LAMB1: variants seen among roughly 807,000 people sequenced by gnomAD.
The protein encoded by LAMB1 is laminin subunit beta-1.
Under a neutral mutation model 222.3 loss-of-function variants are expected in LAMB1, and 121 were observed. That is an observed-to-expected ratio of 0.54 (90% CI 0.47 to 0.63). LAMB1 has a LOEUF of 0.63. Among genes scored for constraint, LAMB1 ranks in the 30% least tolerant of loss-of-function variants. The pLI is 0.00. For synonymous variants in LAMB1, 794 were observed against 807.2 expected, an observed-to-expected ratio of 0.98 and a Z score of 0.28; for missense variants, 2,172 against 2,240.8, an observed-to-expected ratio of 0.97 and a Z score of 0.62.
intron 9 of LAMB1, among the ~76,000 whole-genome samples, chr7:107,976,812 CCT>C (rs1258229208): frequency 6.6e-6 from 1 of 152,022 alleles, no homozygotes; most frequent in African/African-American, 2.4e-5. Context: ...CATCTTCCTT[CCT>C]CTCTTTTCCT....
Position 107,978,157 on chromosome 7 carries a change from T to C in LAMB1, c.890A>G (p.His297Arg), listed in dbSNP as rs2033904923. 6.2e-7 allele frequency: 1 copy of C among 1,614,082 alleles called. No individual in the cohort carries two copies. Among genetic ancestry groups the C allele is most frequent in the South Asian group, 1.1e-5 (1 of 91,072 alleles). ...NEEVEGMVHG[H>R]CMCRHNTKGL... is the part of the protein sequence containing the mutation. ...CTTGGTGTTATGCCTGCACATGCAG[T>C]GTCCGTGAACCTTGAAAGTTATAAA... The change falls in exon 9 of 34, where the codon CAC becomes CGC. Residue 297 changes from histidine to arginine, a missense_variant. Physicochemically the swap from His to Arg is conservative, Grantham distance 29. Transcript: ENST00000222399.
chr7:107,984,747 A>C (rs2034041555), intron 7 of LAMB1, among the ~76,000 whole-genome samples: 1 of 152,180 alleles, frequency 6.6e-6, no homozygotes, highest in African/African-American at 2.4e-5. Context: ...ATAAACAACT[A>C]TTTTTTAGGA....
At chr7:107,959,617 T>G in intron 19 of LAMB1, 74 bp downstream of exon 19, 1 of 1,613,662 alleles carries the variant, frequency 6.2e-7, no homozygotes, top group Non-Finnish European at 8.5e-7. Context: ...GCATCGGCTC[T>G]GCAGCAATGG....
At chr7:107,954,072 T>C (rs1021412699) in intron 21 of LAMB1, among the ~76,000 whole-genome samples, 12 of 152,176 alleles carry the variant, frequency 7.9e-5, no homozygotes, top group Non-Finnish European at 1.5e-4. Flanking sequence ...CATGAGACTT[T>C]AGCTTCTGAG....
chr7:108,002,767 C>G (rs966344237), intron 2 of LAMB1, 82 bp downstream of exon 2: 41 of 1,588,228 alleles, frequency 2.6e-5, no homozygotes, highest in Non-Finnish European at 3.4e-5. Flanking sequence ...CAGGATCCCA[C>G]GAAGGTGAGC....
chr7:107,965,765 G>T (rs1445345680), intron 13 of LAMB1, among the ~76,000 whole-genome samples: 2 of 151,976 alleles, frequency 1.3e-5, no homozygotes. Context: ...CCTAAGGCAA[G>T]TTGCAACTCA....
Position 107,986,191 on chromosome 7 carries a change from G to C in LAMB1, c.596C>G (p.Pro199Arg). ...ICDSRYSDIE[P>R]STEGEVIFRA... The stretch of plus-strand genomic sequence containing the variant: ...CAAACAAACCTCTCCTTCAGTTGAG[G>C]GTTCAATGTCAGAATATCGAGAATC... Residue 199 changes from proline to arginine, a missense_variant, in exon 6 of 34, where the codon CCC becomes CGC. Physicochemically the swap from Pro to Arg is moderately radical, Grantham distance 103 (BLOSUM62 -2). Transcript: ENST00000222399. The C allele has an allele frequency of 1.9e-6, 3 of 1,613,972 alleles. No homozygotes were observed. Among genetic ancestry groups the C allele is most frequent in the Non-Finnish European group, 8.5e-7 (1 of 1,179,892 alleles).
At position 107,975,329 on chromosome 7, in the gene LAMB1, T is replaced by C. The variant is rs2033830139; in HGVS notation, c.1274A>G (p.Gln425Arg). 2 of 1,614,070 alleles carry C rather than the reference T, an allele frequency of 1.2e-6. No individual in the cohort carries two copies. ...TTCCACATTTAATTTACACCGACAC[T>C]GGCCAGCAATGAGACCAGTAGAAAA... Reference protein sequence around the residue: ...TDFSTGLIAGQCRCKLNVEGE... With the variant: ...TDFSTGLIAGRCRCKLNVEGE... Residue 425 changes from glutamine (Q) to arginine (R), a missense_variant, in exon 11 of 34, where the codon CAG (glutamine) becomes CGG (arginine). By Grantham distance (43) the Gln-to-Arg change is conservative. Coordinates refer to ENST00000222399, the MANE Select transcript of LAMB1 (RefSeq NM_002291.3).
chr7:107,940,633 G>A (rs980055216), intron 24 of LAMB1: 21 of 396,900 alleles, frequency 5.3e-5, no homozygotes, highest in South Asian at 1.1e-4. Context: ...TATGGGATAC[G>A]TGTTATAATA....
intron 4 of LAMB1, among the ~76,000 whole-genome samples, chr7:107,996,036 T>C (rs2034275356): frequency 1.3e-5 from 2 of 152,234 alleles, no homozygotes; most frequent in Non-Finnish European, 2.9e-5. Context: ...TAACTAATCT[T>C]ACCTAACTTA....
chr7:107,931,420 T>C lies in LAMB1; in HGVS notation c.4473A>G (p.Glu1491=), dbSNP rs745951645. ...DILLKTNATK[E]KMDKSNEELR... ...GCTCCTCATTGCTCTTGTCCATTTT[T>C]TCTTTGGTAGCATTTGTCTTCAACA... The change falls in exon 29 of 34, where the codon GAA becomes GAG. Residue 1491 remains glutamate, a synonymous_variant. Transcript: ENST00000222399. 2.5e-6 allele frequency: 4 copies of C among 1,613,854 alleles called. No individual in the cohort carries two copies. The African/African-American group carries it at 4.0e-5, about 16-fold the overall frequency.
At chr7:107,976,992 CCT>C (rs2033876778) in intron 9 of LAMB1, among the ~76,000 whole-genome samples, 6 of 90,226 alleles carry the variant, frequency 6.6e-5, no homozygotes, top group Non-Finnish European at 1.2e-4. Flanking sequence ...CTTTCCTCTT[CCT>C]CCTTCCTTCC....
chr7:107,953,402 G>T, intron 22 of LAMB1, 128 bp downstream of exon 22: 1 of 721,122 alleles, frequency 1.4e-6, no homozygotes, highest in Non-Finnish European at 2.3e-6. Context: ...TTAGTTGAAA[G>T]TGAAATTTTA....
At chr7:107,985,369 A>C (rs1172483237) in intron 7 of LAMB1, among the ~76,000 whole-genome samples, 1 of 152,190 alleles carries the variant, frequency 6.6e-6, no homozygotes, top group Non-Finnish European at 1.5e-5. Flanking sequence ...CACGCCTGTA[A>C]TCCCAGCACT....
intron 27 of LAMB1, among the ~76,000 whole-genome samples, chr7:107,933,603 G>GAA (rs1329355249): frequency 0.041 from 5,909 of 143,828 alleles, 356 homozygotes; most frequent in African/African-American, 0.14. Flanking sequence ...GGCAGACATG[G>GAA]AAAAAAAAAA....
At chr7:107,998,210 A>C (rs2150455775) in intron 4 of LAMB1, 147 bp downstream of exon 4, 1 of 699,782 alleles carries the variant, frequency 1.4e-6, no homozygotes, top group East Asian at 2.6e-5. Context: ...TACCAAGAGA[A>C]GTTAGTGCTC....
At chr7:107,932,055 T>G (rs1231180423) in intron 28 of LAMB1, 119 bp downstream of exon 28, 1 of 893,442 alleles carries the variant, frequency 1.1e-6, no homozygotes, top group Non-Finnish European at 1.8e-6. Context: ...CATATTTGAT[T>G]GTGATATGCC....
In LAMB1 at chr7:107,961,261, G is replaced by A. The variant is rs1342878605; in HGVS notation, c.2054C>T (p.Pro685Leu). ...GTCGCTATCAGAGGAGGTGTACTGA[G>A]GCAGCTCCAACCTCACCGTGTAGTT... ...GTNYTVRLEL[P>L]QYTSSDSDVE... Residue 685 changes from proline (P) to leucine (L), a missense_variant, in exon 17 of 34, where the codon CCT becomes CTT. Physicochemically the swap from Pro to Leu is moderately conservative, Grantham distance 98. Coordinates refer to ENST00000222399, the MANE Select transcript of LAMB1 (RefSeq NM_002291.3). The A allele has an allele frequency of 6.2e-7, 1 of 1,614,018 alleles. No homozygotes were observed. Among genetic ancestry groups the A allele is most frequent in the Non-Finnish European group, 8.5e-7 (1 of 1,179,966 alleles).
Position 107,961,429 on chromosome 7 carries a change from GA to G in LAMB1, c.1986-101del, listed in dbSNP as rs1308354857. 19 of 1,570,984 alleles carry G rather than the reference GA, an allele frequency of 1.2e-5. No homozygotes were observed. In the African/African-American group the frequency reaches 2.3e-4, roughly 19 times the overall value. On this transcript the variant is annotated intron_variant, in intron 16 of 33. Coordinates refer to ENST00000222399, the MANE Select transcript of LAMB1 (RefSeq NM_002291.3). ...AAGCTCTGCATCGATAATTCCAAAGGAAAAAAGTCAGCAGTCAACGTCTGGC... is the reference window on the plus strand; with the variant it reads ...AAGCTCTGCATCGATAATTCCAAAGGAAAAAGTCAGCAGTCAACGTCTGGC...
Sources: allele counts gnomAD v4.1 joint callset (sites outside exome capture counted in the v4.1 genomes callset), GRCh38; gene constraint gnomAD v4.1.1; transcripts MANE v1.5; gene names NCBI Gene and HGNC (gene_info 2026-07-23, HGNC 2026-07-21).